Variants in KTN1 observed in about 807,000 individuals in gnomAD.
KTN1 encodes kinectin.
A neutral mutation model predicts 222.5 loss-of-function variants in KTN1; 130 were observed. The ratio of observed to expected loss-of-function variants is 0.58; its 90% confidence interval spans 0.51 to 0.68. KTN1 has a LOEUF of 0.68. KTN1 is among the 30% of genes least tolerant of loss of function. The pLI, the probability that KTN1 is intolerant of heterozygous loss-of-function variation, is 0.00. For missense variants in KTN1, 1,508 were observed against 1,500.4 expected (o/e 1.01, Z -0.08); for synonymous variants, 512 against 496.3 (o/e 1.03, Z -0.42).
At chr14:55,667,107 ATTTG>A (rs1036123567) in intron 33 of KTN1, 130 bp from the exon 34 acceptor site, 4 of 575,930 alleles carry the variant, frequency 6.9e-6, no homozygotes, top group South Asian at 2.3e-5. Context: ...AAATTTTAAT[ATTTG>A]TTAGTATTAA....
At chr14:55,604,484 A>T (rs560217116) in intron 1 of KTN1, among the ~76,000 whole-genome samples, 19 of 152,096 alleles carry the variant, frequency 1.2e-4, no homozygotes, top group Admixed American at 3.3e-4. Context: ...TTAAATAATT[A>T]AAAAAAATTA....
intron 1 of KTN1, among the ~76,000 whole-genome samples, chr14:55,581,852 G>GTAGA (rs1356545245): frequency 2.6e-5 from 4 of 151,804 alleles, no homozygotes; most frequent in African/African-American, 9.7e-5. Flanking sequence ...ATGCCTTGCA[G>GTAGA]TAGACTTTCA....
rs1304263558 is a variant in KTN1 at position 55,612,207 on chromosome 14, T to TA, written c.164dup (p.Lys56GlufsTer8). ...AAAAGCTTATTCCTACCAAAACAGA[T>TA]AAAAAGAAAGCAGAAAAGAAAAAGA... is the stretch of plus-strand genomic sequence containing the variant. On this transcript the variant is annotated frameshift_variant, in exon 2 of 44. Transcript: ENST00000395314. LOFTEE classifies it high-confidence loss of function. 6.3e-7 allele frequency: 1 copy of TA among 1,586,164 alleles called. No individual in the cohort carries two copies. Among genetic ancestry groups the TA allele is most frequent in the Admixed American group, 1.9e-5 (1 of 51,604 alleles).
Position 55,678,360 on chromosome 14 carries a change from G to A in KTN1, c.3864G>A (p.Gln1288=). The A allele has an allele frequency of 6.3e-7, 1 of 1,599,858 alleles. No individual in the cohort carries two copies. Among genetic ancestry groups the A allele is most frequent in the Non-Finnish European group, 8.6e-7 (1 of 1,167,186 alleles). The change falls in exon 42 of 44, where the codon CAG becomes CAA. Residue 1288 remains glutamine, a synonymous_variant. Coordinates refer to ENST00000395314, the MANE Select transcript of KTN1 (RefSeq NM_001079521.2). ...KVAGDLHKAQ[Q]SLELIQSKIV... ...TATTGTTTTCCTTATAGGCTCAACA[G>A]TCACTGGAGCTTATCCAGTCAAAAA...
chr14:55,648,142 C>A, intron 20 of KTN1, 27 bp downstream of exon 20: 2 of 1,221,548 alleles, frequency 1.6e-6, no homozygotes, highest in Admixed American at 2.2e-5. Flanking sequence ...TTTTGTTTTC[C>A]TTGTGATTAT....
intron 1 of KTN1, chr14:55,607,434 A>G (rs190486045): frequency 6.7e-6 from 1 of 150,294 alleles, no homozygotes. Flanking sequence ...GGGAATCCAG[A>G]AACCTGGAGA....
At chr14:55,597,661 C>G (rs2035277416) in intron 1 of KTN1, among the ~76,000 whole-genome samples, 5 of 152,066 alleles carry the variant, frequency 3.3e-5, no homozygotes, top group Admixed American at 3.3e-4. Context: ...TGAGAACAGC[C>G]TGGCCGACAT....
chr14:55,659,908 G>A (rs2043926482), intron 31 of KTN1, among the ~76,000 whole-genome samples: 1 of 152,144 alleles, frequency 6.6e-6, no homozygotes, highest in Admixed American at 6.5e-5. Context: ...ATATTTTGTT[G>A]AGGGAGATGT....
chr14:55,629,073 T>C (rs927552533), intron 6 of KTN1, among the ~76,000 whole-genome samples: 1 of 152,078 alleles, frequency 6.6e-6, no homozygotes, highest in East Asian at 1.9e-4. Flanking sequence ...TTAATATTTG[T>C]TCTAGGAGTT....
At chr14:55,601,058 T>C (rs1259337718) in intron 1 of KTN1, among the ~76,000 whole-genome samples, 1 of 152,224 alleles carries the variant, frequency 6.6e-6, no homozygotes, top group East Asian at 1.9e-4. Flanking sequence ...GGAAAGCTGT[T>C]CAAATGGATT....
At chr14:55,677,944 C>G (rs1011608330) in intron 41 of KTN1, among the ~76,000 whole-genome samples, 2 of 152,174 alleles carry the variant, frequency 1.3e-5, no homozygotes, top group African/African-American at 2.4e-5. Context: ...GTGATCCGCC[C>G]GCCTTGGCCT....
chr14:55,661,553 C>T lies in KTN1; in HGVS notation c.3031C>T (p.Leu1011Phe), dbSNP rs1426368330. The T allele has an allele frequency of 6.2e-7, 1 of 1,602,372 alleles. No individual in the cohort carries two copies. Among genetic ancestry groups the T allele is most frequent in the Non-Finnish European group, 8.5e-7 (1 of 1,169,918 alleles). Residue 1011 changes from leucine (L) to phenylalanine (F), a missense_variant, in exon 32 of 44, where the codon CTC becomes TTC. By Grantham distance (22) the Leu-to-Phe change is conservative (BLOSUM62 0). Coordinates refer to ENST00000395314, the MANE Select transcript of KTN1 (RefSeq NM_001079521.2). ...ISEREKEISGLWNELDSLKDA... is the reference protein window; with the variant it reads ...ISEREKEISGFWNELDSLKDA... ...AGAAAGAGAGAAAGAAATAAGTGGT[C>T]TCTGGAATGAGTTAGATTCTTTGAA... is the stretch of plus-strand genomic sequence containing the variant.
chr14:55,603,439 G>A (rs532382810), intron 1 of KTN1, among the ~76,000 whole-genome samples: 2 of 152,242 alleles, frequency 1.3e-5, no homozygotes, highest in South Asian at 4.1e-4. Flanking sequence ...AGTTTTCATT[G>A]TATTTTACTT....
In KTN1 at chr14:55,619,500, C is replaced by T. The variant is rs150855945; in HGVS notation, c.963+188C>T. 3.4e-3 allele frequency among the ~76,000 whole-genome samples: 516 copies of T among 152,080 alleles called. 3 individuals carry two copies. The highest frequency in any genetic ancestry group is 0.014 in the Middle Eastern group (4 of 294). ...TTTCATGCCGCTGATAAAGAGATAC[C>T]CGAGACTGGGTAATTTATAAAGAAA... is the stretch of plus-strand genomic sequence containing the variant. On this transcript the variant is annotated intron_variant, in intron 5 of 43. Transcript: ENST00000395314.
intron 5 of KTN1, among the ~76,000 whole-genome samples, chr14:55,623,815 T>C (rs753442490): frequency 6.6e-6 from 1 of 152,234 alleles, no homozygotes; most frequent in Non-Finnish European, 1.5e-5. Context: ...TGTTACTATA[T>C]TGCTGTTTAG....
At chr14:55,661,749 G>GT (rs1238690065) in intron 32 of KTN1, 137 bp downstream of exon 32, 2 of 455,368 alleles carry the variant, frequency 4.4e-6, no homozygotes, top group Admixed American at 4.2e-5. Flanking sequence ...TCTGTGTGTA[G>GT]TTTTTTCGGG....
At chr14:55,650,007 A>C (rs34655230) in intron 22 of KTN1, among the ~76,000 whole-genome samples, 194 bp downstream of exon 22, 83 of 149,028 alleles carry the variant, frequency 5.6e-4, no homozygotes, top group South Asian at 1.1e-3. Context: ...AAAAAAAAAA[A>C]CAAAAAAAAA....
chr14:55,629,906 T>A (rs774190116), intron 6 of KTN1, 51 bp from the exon 7 acceptor site: 44 of 1,147,354 alleles, frequency 3.8e-5, no homozygotes, highest in Non-Finnish European at 5.6e-5. Context: ...GTTGCAGGCT[T>A]ATGATACTTA....
intron 1 of KTN1, among the ~76,000 whole-genome samples, chr14:55,602,152 A>G (rs2036070279): frequency 2.0e-5 from 3 of 152,192 alleles, no homozygotes; most frequent in East Asian, 1.9e-4. Flanking sequence ...AAATTTTTGT[A>G]TGTATTTAGA....
Sources: allele counts gnomAD v4.1 joint callset (sites outside exome capture counted in the v4.1 genomes callset), GRCh38; gene constraint gnomAD v4.1.1; transcripts MANE v1.5; gene names NCBI Gene and HGNC (gene_info 2026-07-23, HGNC 2026-07-21).